The following LRRC4C variants were observed in gnomAD, a reference collection of about 807,000 sequenced individuals.
LRRC4C encodes the protein leucine rich repeat containing 4C.
Under a neutral mutation model 33.6 loss-of-function variants are expected in LRRC4C, and 5 were observed. The observed-to-expected ratio is 0.15, with a 90% CI of 0.08 to 0.31. The LOEUF (loss-of-function observed/expected upper bound fraction) is 0.31. LRRC4C is among the 10% of genes least tolerant of loss of function. The pLI is 1.00. For missense variants in LRRC4C, 560 were observed against 796.7 expected, an observed-to-expected ratio of 0.70 and a Z score of 3.58; for synonymous variants, 329 against 302.0, an observed-to-expected ratio of 1.09 and a Z score of -0.93.
intron 1 of LRRC4C, among the ~76,000 whole-genome samples, chr11:41,153,761 A>C (rs1337307955): frequency 5.9e-5 from 9 of 152,166 alleles, no homozygotes; most frequent in Non-Finnish European, 4.4e-5. Context: ...TGGCTACTAG[A>C]ATACTAGGTT....
chr11:40,802,500 A>G (rs1271222850), intron 2 of LRRC4C, among the ~76,000 whole-genome samples: 1 of 101,024 alleles, frequency 9.9e-6, no homozygotes, highest in Non-Finnish European at 2.4e-5. Context: ...TTAGGAGGTT[A>G]GAATAAGCAA....
intron 2 of LRRC4C, among the ~76,000 whole-genome samples, chr11:40,809,602 G>GA (rs906986522): frequency 4.6e-5 from 7 of 151,498 alleles, no homozygotes; most frequent in South Asian, 4.2e-4. Flanking sequence ...CCTCCACACA[G>GA]AAAAAAAATA....
intron 2 of LRRC4C, among the ~76,000 whole-genome samples, chr11:40,748,730 T>C (rs1189722803): frequency 1.3e-5 from 2 of 152,086 alleles, no homozygotes; most frequent in East Asian, 3.8e-4. Flanking sequence ...TGCTGCCTAC[T>C]AGAAACGCAC....
chr11:40,986,967 T>G (rs1361417753), intron 1 of LRRC4C, among the ~76,000 whole-genome samples: 1 of 152,222 alleles, frequency 6.6e-6, no homozygotes, highest in Non-Finnish European at 1.5e-5. Context: ...TGGTGGATAA[T>G]TAATAGCAAC....
intron 3 of LRRC4C, among the ~76,000 whole-genome samples, chr11:40,490,061 C>A (rs1039038): frequency 0.51 from 76,906 of 151,838 alleles, 19,709 homozygotes; most frequent in East Asian, 0.73. Flanking sequence ...TGATCAGTGC[C>A]TGCCATCTTT....
intron 1 of LRRC4C, among the ~76,000 whole-genome samples, chr11:41,381,518 T>C (rs1953149466): frequency 6.6e-6 from 1 of 151,924 alleles, no homozygotes; most frequent in Non-Finnish European, 1.5e-5. Context: ...TCTCAGCTGT[T>C]TGGAAGGCAG....
intron 1 of LRRC4C, among the ~76,000 whole-genome samples, chr11:41,004,815 A>G (rs2137434553): frequency 6.6e-6 from 1 of 152,268 alleles, no homozygotes; most frequent in Non-Finnish European, 1.5e-5. Context: ...AATTAAATGT[A>G]TGAATTTTGA....
At chr11:40,431,339 G>A (rs1315491569) in intron 3 of LRRC4C, among the ~76,000 whole-genome samples, 4 of 143,228 alleles carry the variant, frequency 2.8e-5, no homozygotes, top group African/African-American at 1.1e-4. Context: ...AGGTTGCAGT[G>A]AGCCAACATC....
intron 3 of LRRC4C, among the ~76,000 whole-genome samples, chr11:40,397,050 A>G (rs1949569875): frequency 6.6e-6 from 1 of 152,076 alleles, no homozygotes. Context: ...ATATACTTCA[A>G]ACCCAAAAGA....
intron 1 of LRRC4C, among the ~76,000 whole-genome samples, chr11:41,298,981 T>C (rs975492038): frequency 2.0e-5 from 3 of 152,206 alleles, no homozygotes; most frequent in African/African-American, 7.2e-5. Context: ...TTTATTTTTA[T>C]GCCTGAATAG....
chr11:41,027,493 T>A (rs182113943), intron 1 of LRRC4C, among the ~76,000 whole-genome samples: 3 of 151,740 alleles, frequency 2.0e-5, no homozygotes, highest in Non-Finnish European at 4.4e-5. Context: ...TGTAGACAAC[T>A]AATAAGGTCA....
intron 2 of LRRC4C, among the ~76,000 whole-genome samples, chr11:40,675,141 C>T (rs575132834): frequency 6.6e-6 from 1 of 152,084 alleles, no homozygotes; most frequent in African/African-American, 2.4e-5. Context: ...AATTTTAAGA[C>T]CCCTTACTTA....
intron 1 of LRRC4C, among the ~76,000 whole-genome samples, chr11:40,982,981 T>C (rs933559604): frequency 6.6e-6 from 1 of 152,190 alleles, no homozygotes; most frequent in Non-Finnish European, 1.5e-5. Context: ...GCTCAATCCA[T>C]GTCCTTGAGA....
intron 1 of LRRC4C, among the ~76,000 whole-genome samples, chr11:41,052,242 G>A (rs1220498805): frequency 6.6e-6 from 1 of 152,106 alleles, no homozygotes; most frequent in Non-Finnish European, 1.5e-5. Context: ...AAAACTCTCT[G>A]TTTGAAAGTC....
chr11:41,437,460 A>G (rs1033613682), intron 1 of LRRC4C, among the ~76,000 whole-genome samples: 5 of 150,146 alleles, frequency 3.3e-5, no homozygotes, highest in Non-Finnish European at 7.4e-5. Context: ...TTGCAGGAAC[A>G]TTCCTCTAAA....
chr11:41,062,204 C>T (rs1937831756), intron 1 of LRRC4C, among the ~76,000 whole-genome samples: 1 of 152,176 alleles, frequency 6.6e-6, no homozygotes, highest in Non-Finnish European at 1.5e-5. Flanking sequence ...AGGTATTAAG[C>T]CTAGTACCCA....
chr11:40,114,970 C>A lies in LRRC4C; in HGVS notation c.1323G>T (p.Leu441=). 1 of 1,614,210 alleles carries A rather than the reference C, an allele frequency of 6.2e-7. No individual in the cohort carries two copies. The highest frequency in any genetic ancestry group is 8.5e-7 in the Non-Finnish European group (1 of 1,180,040). ...SVGNTTASAT[L]NVTAATTTPF... ...GAGTAGTGGTTGCTGCAGTAACATT[C>A]AGGGTGGCTGAAGCAGTAGTATTCC... is the stretch of plus-strand genomic sequence containing the variant. Residue 441 remains leucine, a synonymous_variant, in exon 7 of 7, where the codon CTG becomes CTT. Coordinates refer to ENST00000528697, the MANE Select transcript of LRRC4C (RefSeq NM_001258419.2).
At chr11:40,315,503 T>A (rs2136795573) in intron 4 of LRRC4C, among the ~76,000 whole-genome samples, 1 of 152,118 alleles carries the variant, frequency 6.6e-6, no homozygotes, top group South Asian at 2.1e-4. Context: ...ACATTTCTTA[T>A]AATCAGAAAT....
chr11:40,624,581 C>T (rs1035372267), intron 3 of LRRC4C, among the ~76,000 whole-genome samples: 4 of 152,090 alleles, frequency 2.6e-5, no homozygotes, highest in African/African-American at 7.2e-5. Flanking sequence ...AATGGGCCAA[C>T]CTGATTCACA....
Sources: allele counts gnomAD v4.1 joint callset (sites outside exome capture counted in the v4.1 genomes callset), GRCh38; gene constraint gnomAD v4.1.1; transcripts MANE v1.5; gene names NCBI Gene and HGNC (gene_info 2026-07-23, HGNC 2026-07-21).